Variants in SH3BGRL2 observed in about 807,000 individuals in gnomAD.
SH3BGRL2 encodes the protein SH3 domain binding glutamate rich protein like 2.
Under a neutral mutation model 14.8 loss-of-function variants are expected in SH3BGRL2, and 21 were observed. That is an observed-to-expected ratio of 1.42 (90% CI 1.01 to 2.05). The LOEUF is 2.05. Ranked by LOEUF, SH3BGRL2 falls within the 30% of genes most tolerant of loss-of-function variation. The pLI is 0.00. For synonymous variants in SH3BGRL2, 50 were observed against 47.8 expected (o/e 1.05, Z -0.19); for missense variants, 147 against 130.8 (o/e 1.12, Z -0.61).
chr6:79,570,460 A>G, the SH3BGRL2 span, among the ~76,000 whole-genome samples: 1,600 of 152,312 alleles, frequency 0.011, 33 homozygotes, highest in African/African-American at 0.037. Context: ...TGAAAACTCA[A>G]CTCACAGAAA....
At chr6:79,571,978 C>T in the SH3BGRL2 span, among the ~76,000 whole-genome samples, 1 of 152,156 alleles carries the variant, frequency 6.6e-6, no homozygotes, top group Non-Finnish European at 1.5e-5. Flanking sequence ...TTTCCATACA[C>T]CATTCCCCCA....
intron 1 of SH3BGRL2, among the ~76,000 whole-genome samples, chr6:79,670,561 T>G (rs1273849865): frequency 2.0e-5 from 3 of 152,246 alleles, no homozygotes; most frequent in African/African-American, 7.2e-5. Context: ...TTTTCAATCC[T>G]TCATCATAAT....
At chr6:79,631,039 T>C (rs1375117006), upstream of SH3BGRL2, among the ~76,000 whole-genome samples, 1 of 152,186 alleles carries the variant, frequency 6.6e-6, no homozygotes, top group African/African-American at 2.4e-5. Flanking sequence ...GCTTGGACTT[T>C]GAACCGAGCC....
At chr6:79,678,164 A>T (rs1454866660) in intron 2 of SH3BGRL2, among the ~76,000 whole-genome samples, 1 of 152,192 alleles carries the variant, frequency 6.6e-6, no homozygotes, top group African/African-American at 2.4e-5. Context: ...AAAACATATA[A>T]CACTTACTAT....
At chr6:79,565,670 A>G in the SH3BGRL2 span, among the ~76,000 whole-genome samples, 1 of 152,236 alleles carries the variant, frequency 6.6e-6, no homozygotes, top group East Asian at 1.9e-4. Flanking sequence ...TTGAATGCCT[A>G]TATAACCCCA....
At chr6:79,572,453 T>C in the SH3BGRL2 span, among the ~76,000 whole-genome samples, 1 of 151,216 alleles carries the variant, frequency 6.6e-6, no homozygotes, top group Non-Finnish European at 1.5e-5. Flanking sequence ...TTTTATTTTA[T>C]TTTATTTTAT....
At chr6:79,640,539 G>A (rs1159476318) in intron 1 of SH3BGRL2, among the ~76,000 whole-genome samples, 1 of 152,134 alleles carries the variant, frequency 6.6e-6, no homozygotes, top group Non-Finnish European at 1.5e-5. Context: ...GAACAATTTT[G>A]TTGGTCACCT....
intron 1 of SH3BGRL2, among the ~76,000 whole-genome samples, chr6:79,639,115 T>G (rs1374930632): frequency 6.6e-6 from 1 of 152,210 alleles, no homozygotes; most frequent in African/African-American, 2.4e-5. Context: ...TAAACAATAT[T>G]TCTTCCTTAG....
the SH3BGRL2 span, among the ~76,000 whole-genome samples, chr6:79,576,274 A>C: frequency 2.0e-5 from 3 of 152,146 alleles, no homozygotes; most frequent in African/African-American, 7.2e-5. Context: ...ATACTTCTTG[A>C]ATCTCACTGT....
At chr6:79,538,798 C>T in the SH3BGRL2 span, among the ~76,000 whole-genome samples, 1 of 152,190 alleles carries the variant, frequency 6.6e-6, no homozygotes, top group Admixed American at 6.5e-5. Flanking sequence ...TCAGAATGCT[C>T]CAGGCAGTGT....
At chr6:79,630,886 G>A (rs1006454236), upstream of SH3BGRL2, among the ~76,000 whole-genome samples, 2 of 152,032 alleles carry the variant, frequency 1.3e-5, no homozygotes, top group Non-Finnish European at 2.9e-5. Context: ...CACCCGGCTC[G>A]CCGATCCCGC....
At chr6:79,653,701 GAA>G (rs1374801643) in intron 1 of SH3BGRL2, among the ~76,000 whole-genome samples, 6 of 152,202 alleles carry the variant, frequency 3.9e-5, no homozygotes, top group Admixed American at 1.3e-4. Flanking sequence ...ATGGGGTATG[GAA>G]AAGAGTAATT....
chr6:79,594,380 C>A, the SH3BGRL2 span, among the ~76,000 whole-genome samples: 1 of 152,136 alleles, frequency 6.6e-6, no homozygotes, highest in Admixed American at 6.5e-5. Flanking sequence ...ATGCACTGCA[C>A]GTATTAATAA....
At chr6:79,594,294 G>A in the SH3BGRL2 span, among the ~76,000 whole-genome samples, 1 of 152,070 alleles carries the variant, frequency 6.6e-6, no homozygotes, top group Non-Finnish European at 1.5e-5. Flanking sequence ...ATTGTTCTTG[G>A]TTGAAGATGC....
At chr6:79,642,831 G>T (rs1769058637) in intron 1 of SH3BGRL2, among the ~76,000 whole-genome samples, 1 of 152,216 alleles carries the variant, frequency 6.6e-6, no homozygotes, top group Non-Finnish European at 1.5e-5. Context: ...CAGGATTTCT[G>T]TGTTTAATGA....
At chr6:79,636,794 C>G (rs964866570) in intron 1 of SH3BGRL2, among the ~76,000 whole-genome samples, 8 of 152,130 alleles carry the variant, frequency 5.3e-5, no homozygotes, top group Non-Finnish European at 7.3e-5. Context: ...ATTCATATGG[C>G]ATTCTTCCTC....
the SH3BGRL2 span, among the ~76,000 whole-genome samples, chr6:79,540,979 A>C: frequency 6.6e-6 from 1 of 151,972 alleles, no homozygotes; most frequent in Non-Finnish European, 1.5e-5. Context: ...CCAGCCGGGC[A>C]TGGTGGCTCA....
At chr6:79,541,795 A>G in the SH3BGRL2 span, among the ~76,000 whole-genome samples, 1 of 152,226 alleles carries the variant, frequency 6.6e-6, no homozygotes, top group Non-Finnish European at 1.5e-5. Flanking sequence ...GGACAAAGCT[A>G]ATAGATGTCC....
chr6:79,657,937 T>G (rs772295745), intron 1 of SH3BGRL2, among the ~76,000 whole-genome samples: 1 of 152,176 alleles, frequency 6.6e-6, no homozygotes, highest in Non-Finnish European at 1.5e-5. Flanking sequence ...CAGTTCCCAG[T>G]TGGAAAATAT....
Sources: gnomAD v4.1 joint callset for allele counts (sites outside exome capture counted in the v4.1 genomes callset) on GRCh38, gnomAD v4.1.1 for gene constraint, MANE v1.5 for transcripts, NCBI Gene and HGNC (gene_info 2026-07-23, HGNC 2026-07-21) for gene names.